The following THADA variants were observed in gnomAD, a reference collection of about 807,000 sequenced individuals.
THADA encodes tRNA (32-2'-O)-methyltransferase regulator THADA.
THADA carries 213 observed loss-of-function variants against 219.8 expected under a neutral mutation model. That is an observed-to-expected ratio of 0.97 (90% CI 0.87 to 1.09). The LOEUF (loss-of-function observed/expected upper bound fraction) is 1.09. THADA is among the 50% of genes least tolerant of loss of function. THADA has a pLI of 0.00. For missense variants in THADA, 2,956 were observed against 2,311.3 expected (o/e 1.28, Z -5.72); for synonymous variants, 1,018 against 828.9 (o/e 1.23, Z -3.92).
At chr2:43,256,219 C>T (rs1279195250) in intron 36 of THADA, among the ~76,000 whole-genome samples, 2 of 152,092 alleles carry the variant, frequency 1.3e-5, no homozygotes, top group African/African-American at 2.4e-5. Flanking sequence ...AAACAGAAAC[C>T]CGCTTACGTC....
chr2:43,586,662 G>C (rs765582655), intron 6 of THADA, 40 bp downstream of exon 6: 1 of 1,588,998 alleles, frequency 6.3e-7, no homozygotes, highest in Middle Eastern at 2.2e-4. Flanking sequence ...ACTCATACAA[G>C]CCATCAACTC....
rs2105061270 is a variant in THADA at position 43,498,910 on chromosome 2, G to A, written c.3667C>T (p.Leu1223=). ...ACATAAGGAATAATATTTTCTCCCA[G>A]GCGCGTATCTCTGAACAATGCTCTA... ...ILRALFRDTR[L]GENIIPYVAD... Residue 1223 remains leucine, a synonymous_variant, in exon 25 of 38, where the codon CTG becomes TTG. Coordinates refer to ENST00000405975, the MANE Select transcript of THADA (RefSeq NM_022065.5). The A allele has an allele frequency of 6.3e-7, 1 of 1,598,320 alleles. No homozygotes were observed. Among genetic ancestry groups the A allele is most frequent in the East Asian group, 2.2e-5 (1 of 44,560 alleles).
chr2:43,382,050 T>A (rs1261071653), intron 29 of THADA, among the ~76,000 whole-genome samples: 1 of 151,992 alleles, frequency 6.6e-6, no homozygotes, highest in Non-Finnish European at 1.5e-5. Context: ...CTACAAAATA[T>A]CTGACCAGTA....
At chr2:43,498,433 T>C (rs1688541129) in intron 25 of THADA, among the ~76,000 whole-genome samples, 1 of 152,150 alleles carries the variant, frequency 6.6e-6, no homozygotes, top group African/African-American at 2.4e-5. Context: ...CAATGTAGTG[T>C]AAGTTTACAA....
intron 30 of THADA, among the ~76,000 whole-genome samples, chr2:43,327,527 A>G (rs567235827): frequency 6.6e-6 from 1 of 152,168 alleles, no homozygotes; most frequent in Non-Finnish European, 1.5e-5. Flanking sequence ...GAAAAAGGGG[A>G]AATTAGTCTA....
chr2:43,325,298 GT>G (rs370573851), intron 30 of THADA, among the ~76,000 whole-genome samples: 36,862 of 146,942 alleles, frequency 0.25, 5,193 homozygotes, highest in African/African-American at 0.4. Flanking sequence ...GTGGCTGCAG[GT>G]TTTTTTTTTT....
At chr2:43,525,717 G>A (rs1251156863) in intron 22 of THADA, among the ~76,000 whole-genome samples, 5 of 152,178 alleles carry the variant, frequency 3.3e-5, no homozygotes, top group Non-Finnish European at 7.3e-5. Flanking sequence ...ACCCAGCTGA[G>A]CCCTGCCCAA....
chr2:43,357,330 G>C (rs1341450146), intron 29 of THADA, among the ~76,000 whole-genome samples: 2 of 152,008 alleles, frequency 1.3e-5, no homozygotes, highest in Non-Finnish European at 2.9e-5. Flanking sequence ...GATACTCTCA[G>C]TCATCACTGG....
intron 16 of THADA, 54 bp downstream of exon 16, chr2:43,560,180 C>T (rs1697880494): frequency 6.7e-7 from 1 of 1,482,282 alleles, no homozygotes; most frequent in African/African-American, 1.4e-5. Flanking sequence ...GCTTTATCTG[C>T]TGATAGAAAG....
At chr2:43,312,259 C>A (rs1416801690) in intron 31 of THADA, among the ~76,000 whole-genome samples, 1 of 151,214 alleles carries the variant, frequency 6.6e-6, no homozygotes, top group Non-Finnish European at 1.5e-5. Context: ...TAGTTGTTGA[C>A]TAGAACGGTA....
intron 36 of THADA, among the ~76,000 whole-genome samples, chr2:43,278,773 C>A (rs879427226): frequency 5.3e-5 from 8 of 152,186 alleles, no homozygotes; most frequent in Non-Finnish European, 7.4e-5. Flanking sequence ...CCAGGGAACA[C>A]AATCCTGTGT....
chr2:43,555,428 A>G, intron 17 of THADA, among the ~76,000 whole-genome samples: 1 of 151,756 alleles, frequency 6.6e-6, no homozygotes, highest in Middle Eastern at 3.2e-3. Context: ...TAAGCCGTCT[A>G]TATTTAAACA....
intron 20 of THADA, among the ~76,000 whole-genome samples, chr2:43,542,407 T>A (rs562464591): frequency 1.3e-5 from 2 of 152,168 alleles, no homozygotes; most frequent in Non-Finnish European, 2.9e-5. Context: ...CATTTATACA[T>A]TATTTTGTGT....
At chr2:43,595,073 T>C (rs1701995630) in intron 1 of THADA, among the ~76,000 whole-genome samples, 2 of 152,248 alleles carry the variant, frequency 1.3e-5, no homozygotes, top group South Asian at 4.1e-4. Flanking sequence ...GCCTGGCACA[T>C]AGTAGGTGTT....
intron 25 of THADA, among the ~76,000 whole-genome samples, chr2:43,497,669 G>A (rs1250464427): frequency 2.6e-5 from 4 of 152,168 alleles, no homozygotes; most frequent in Non-Finnish European, 5.9e-5. Context: ...GGCAGATCAC[G>A]AGGTCAGGAG....
intron 25 of THADA, among the ~76,000 whole-genome samples, chr2:43,496,714 T>G (rs1406328409): frequency 1.3e-5 from 2 of 151,960 alleles, no homozygotes; most frequent in Admixed American, 1.3e-4. Context: ...CTGGAACTTG[T>G]GCATGGCTGA....
chr2:43,256,365 A>T (rs1670312787), intron 36 of THADA, among the ~76,000 whole-genome samples: 1 of 150,740 alleles, frequency 6.6e-6, no homozygotes, highest in African/African-American at 2.4e-5. Flanking sequence ...TTTTTTTTTT[A>T]AACCAGTTAG....
intron 7 of THADA, among the ~76,000 whole-genome samples, chr2:43,584,145 G>A (rs935656746): frequency 1.8e-4 from 27 of 148,798 alleles, no homozygotes; most frequent in Admixed American, 1.5e-3. Context: ...AATTCAAAAA[G>A]ACAGGAAGTA....
chr2:43,357,488 G>A lies in THADA; in HGVS notation c.4228-13251C>T, dbSNP rs553120246. On this transcript the variant is annotated intron_variant, in intron 29 of 37. Coordinates refer to ENST00000405975, the MANE Select transcript of THADA (RefSeq NM_022065.5). Reference sequence around the variant, plus strand: ...CATTTGCTATCAAAATGGAAGACACGCACTTTCTTTAATTTTGTTATGCCC... The same window carrying A: ...CATTTGCTATCAAAATGGAAGACACACACTTTCTTTAATTTTGTTATGCCC... Among the ~76,000 whole-genome samples, 463 of 152,256 alleles carry A rather than the reference G, an allele frequency of 3.0e-3. 4 individuals carry two copies. Among genetic ancestry groups the A allele is most frequent in the Non-Finnish European group, 3.3e-3 (224 of 68,016 alleles).
Sources: allele counts gnomAD v4.1 joint callset (sites outside exome capture counted in the v4.1 genomes callset), GRCh38; gene constraint gnomAD v4.1.1; transcripts MANE v1.5; gene names NCBI Gene and HGNC (gene_info 2026-07-23, HGNC 2026-07-21).